The following B4GALNT3 variants were observed in gnomAD, a reference collection of about 807,000 sequenced individuals.
B4GALNT3 encodes beta-1,4-N-acetyl-galactosaminyltransferase 3.
Under a neutral mutation model 120.2 loss-of-function variants are expected in B4GALNT3, and 86 were observed. The observed-to-expected ratio is 0.72, with a 90% CI of 0.60 to 0.86. The LOEUF is 0.86. B4GALNT3 is among the 40% of genes least tolerant of loss of function. The pLI is 0.00. For synonymous variants in B4GALNT3, 518 were observed against 510.4 expected (o/e 1.01, Z -0.20); for missense variants, 1,167 against 1,298.9 (o/e 0.90, Z 1.56).
At chr12:487,268 A>G (rs1235798483) in intron 1 of B4GALNT3, among the ~76,000 whole-genome samples, 2 of 152,248 alleles carry the variant, frequency 1.3e-5, no homozygotes, top group Non-Finnish European at 1.5e-5. Flanking sequence ...ATTTGAAACG[A>G]TAGCAACTGA....
intron 1 of B4GALNT3, among the ~76,000 whole-genome samples, chr12:488,643 C>A (rs1356514402): frequency 1.3e-5 from 2 of 151,932 alleles, no homozygotes; most frequent in African/African-American, 4.8e-5. Context: ...CCCATCTCTA[C>A]AAAAAAATTT....
At chr12:511,482 T>TCTTCCACCTTCCACCTTCCACCTTCCAC (rs1285184433) in intron 1 of B4GALNT3, among the ~76,000 whole-genome samples, 1 of 66,218 alleles carries the variant, frequency 1.5e-5, no homozygotes. Flanking sequence ...TCTTCCACCT[T>TCTTCCACCTTCCACCTTCCACCTTCCAC]CTTCCACCTT....
chr12:528,749 C>T (rs929718094), intron 1 of B4GALNT3, among the ~76,000 whole-genome samples: 25 of 152,334 alleles, frequency 1.6e-4, no homozygotes, highest in African/African-American at 5.8e-4. Context: ...GTCCCACATG[C>T]TCTCCAAGGA....
intron 1 of B4GALNT3, among the ~76,000 whole-genome samples, chr12:511,152 C>T (rs1429614698): frequency 6.6e-6 from 1 of 150,520 alleles, no homozygotes; most frequent in Non-Finnish European, 1.5e-5. Flanking sequence ...ACCTCTGCCT[C>T]CTGAGCAGCT....
chr12:482,753 C>A (rs146926227), intron 1 of B4GALNT3, among the ~76,000 whole-genome samples: 1 of 152,240 alleles, frequency 6.6e-6, no homozygotes, highest in East Asian at 1.9e-4. Context: ...TCCGGCTACT[C>A]AGGAGGCTAA....
chr12:508,554 G>A (rs759621204), intron 1 of B4GALNT3, among the ~76,000 whole-genome samples: 4 of 152,132 alleles, frequency 2.6e-5, no homozygotes, highest in African/African-American at 9.7e-5. Flanking sequence ...AATTATACCC[G>A]AGGTTTGGTT....
intron 1 of B4GALNT3, among the ~76,000 whole-genome samples, chr12:497,390 G>A (rs187043009): frequency 4.5e-4 from 68 of 151,896 alleles, no homozygotes; most frequent in African/African-American, 1.5e-3. Context: ...TGAACCGCCC[G>A]CCTCGGCCTC....
In B4GALNT3 at chr12:548,326, A is replaced by G; in HGVS notation, c.853+29A>G. 1.2e-6 allele frequency: 2 copies of G among 1,605,132 alleles called. No individual in the cohort carries two copies. The highest frequency in any genetic ancestry group is 1.7e-6 in the Non-Finnish European group (2 of 1,172,030). The stretch of plus-strand genomic sequence containing the variant: ...AGTAGGCTCTGGCCCTGCCCTGGAG[A>G]TGGAGGCCAGGTGGGGACAGCCTAC... On this transcript the variant is annotated intron_variant, in intron 9 of 19. Coordinates refer to ENST00000266383, the MANE Select transcript of B4GALNT3 (RefSeq NM_173593.4). This position sits in a 1 kb window ranked among gnomAD's most constrained non-coding sequence, Gnocchi z 4.9.
intron 1 of B4GALNT3, among the ~76,000 whole-genome samples, chr12:466,978 G>A (rs1248850328): frequency 2.0e-5 from 3 of 151,972 alleles, no homozygotes; most frequent in African/African-American, 4.8e-5. Flanking sequence ...CAGTACCCCA[G>A]TACCCCGGTG....
At chr12:531,946 A>G (rs1946812172) in intron 1 of B4GALNT3, among the ~76,000 whole-genome samples, 1 of 149,138 alleles carries the variant, frequency 6.7e-6, no homozygotes, top group African/African-American at 2.5e-5. Flanking sequence ...TAGATATACA[A>G]TTAGATCTTT....
At chr12:514,437 T>C (rs1592035291) in intron 1 of B4GALNT3, among the ~76,000 whole-genome samples, 1 of 151,616 alleles carries the variant, frequency 6.6e-6, no homozygotes, top group Non-Finnish European at 1.5e-5. Context: ...GACCTCGTGA[T>C]CTGCCCGCCT....
intron 6 of B4GALNT3, among the ~76,000 whole-genome samples, chr12:545,936 A>AGAGGAGTGGGGAGGTGC (rs1565608345): frequency 5.4e-5 from 1 of 18,578 alleles, no homozygotes; most frequent in African/African-American, 2.1e-4. Context: ...TGGGGAGGTG[A>AGAGGAGTGGGGAGGTGC]GAGGAGTGGG....
chr12:539,780 G>A lies in B4GALNT3; in HGVS notation c.351+3485G>A, dbSNP rs146595608. On this transcript the variant is annotated intron_variant, in intron 3 of 19. Transcript: ENST00000266383. ...AGAAAAATGAGCCAGCTGTAGTGCCGTGTACCTGTAGTTACAGCTACTTGG... is the reference window on the plus strand; with the variant it reads ...AGAAAAATGAGCCAGCTGTAGTGCCATGTACCTGTAGTTACAGCTACTTGG... Among the ~76,000 whole-genome samples, 993 of 152,176 alleles carry A rather than the reference G, an allele frequency of 6.5e-3. 4 individuals are homozygous for A. The highest frequency in any genetic ancestry group is 0.011 in the Non-Finnish European group (725 of 67,992).
chr12:524,166 T>C (rs1946739296), intron 1 of B4GALNT3, among the ~76,000 whole-genome samples: 1 of 152,188 alleles, frequency 6.6e-6, no homozygotes, highest in Admixed American at 6.5e-5. Flanking sequence ...TAACCTGAAG[T>C]TCCATTAAAA....
intron 1 of B4GALNT3, among the ~76,000 whole-genome samples, chr12:495,430 G>A (rs1946379388): frequency 6.6e-6 from 1 of 151,940 alleles, no homozygotes. Context: ...TGTACCCTCC[G>A]CCAAACGTAC....
chr12:507,799 G>A (rs141106857), intron 1 of B4GALNT3, among the ~76,000 whole-genome samples: 1 of 145,554 alleles, frequency 6.9e-6, no homozygotes, highest in Non-Finnish European at 1.5e-5. Context: ...TCCAGTAGTA[G>A]CTTGGTGGAC....
chr12:552,589 C>T (rs1947098267), intron 13 of B4GALNT3, 61 bp downstream of exon 13: 1 of 1,540,830 alleles, frequency 6.5e-7, no homozygotes, highest in Admixed American at 1.7e-5. Flanking sequence ...GGTCTGTTTC[C>T]AGGGGATGTT....
At chr12:474,003 G>T (rs1461950655) in intron 1 of B4GALNT3, among the ~76,000 whole-genome samples, 1 of 152,174 alleles carries the variant, frequency 6.6e-6, no homozygotes, top group Non-Finnish European at 1.5e-5. Context: ...AGGGTGTCAG[G>T]ATTACAAAGA....
At chr12:543,142 T>C in intron 3 of B4GALNT3, 1 of 1,289,528 alleles carries the variant, frequency 7.8e-7, no homozygotes, top group Non-Finnish European at 1.0e-6. Flanking sequence ...TATGTGTGTG[T>C]GTGTGCATGG....
Sources: allele counts gnomAD v4.1 joint callset (sites outside exome capture counted in the v4.1 genomes callset), GRCh38; gene constraint gnomAD v4.1.1; non-coding constraint Gnocchi (gnomAD v3.1); transcripts MANE v1.5; gene names NCBI Gene and HGNC (gene_info 2026-07-23, HGNC 2026-07-21).